Variants in MACROD2 observed in about 807,000 individuals in gnomAD.
MACROD2 encodes the protein ADP-ribose glycohydrolase MACROD2.
In MACROD2, 36 loss-of-function variants were observed where a neutral mutation model predicts 70.4. The observed-to-expected ratio is 0.51, with a 90% CI of 0.39 to 0.68. MACROD2 has a LOEUF of 0.68. MACROD2 is among the 30% of genes least tolerant of loss of function. The pLI is 0.00. For synonymous variants in MACROD2, 172 were observed against 178.8 expected (o/e 0.96, Z 0.30); for missense variants, 496 against 538.4 (o/e 0.92, Z 0.78).
At chr20:15,052,731 T>G (rs905514399) in intron 5 of MACROD2, among the ~76,000 whole-genome samples, 1 of 152,176 alleles carries the variant, frequency 6.6e-6, no homozygotes, top group Non-Finnish European at 1.5e-5. Context: ...AGTGTTCAAG[T>G]GAGAGAAAGA....
chr20:15,742,016 T>C (rs2051112978), intron 8 of MACROD2, among the ~76,000 whole-genome samples: 1 of 152,196 alleles, frequency 6.6e-6, no homozygotes, highest in Non-Finnish European at 1.5e-5. Flanking sequence ...TTGTGAATGA[T>C]TGTTATAGTA....
At chr20:15,664,277 A>T (rs2049865520) in intron 8 of MACROD2, among the ~76,000 whole-genome samples, 1 of 152,220 alleles carries the variant, frequency 6.6e-6, no homozygotes, top group Non-Finnish European at 1.5e-5. Flanking sequence ...GGAAGAATTG[A>T]ACCACCAAGG....
At chr20:15,675,499 G>A (rs1019195829) in intron 8 of MACROD2, among the ~76,000 whole-genome samples, 1 of 152,168 alleles carries the variant, frequency 6.6e-6, no homozygotes, top group Non-Finnish European at 1.5e-5. Flanking sequence ...GTTCTTCAAT[G>A]CATTTGCTTA....
intron 3 of MACROD2, among the ~76,000 whole-genome samples, chr20:14,152,517 AC>A (rs2055039656): frequency 6.7e-6 from 1 of 149,256 alleles, no homozygotes; most frequent in South Asian, 2.1e-4. Context: ...ACCTCCACTT[AC>A]CAGGTTCAAG....
chr20:15,826,801 C>T lies in MACROD2; in HGVS notation c.646-35944C>T, dbSNP rs140130523. 3.6e-3 allele frequency among the ~76,000 whole-genome samples: 545 copies of T among 152,276 alleles called. 2 individuals carry two copies. Among genetic ancestry groups the T allele is most frequent in the African/African-American group, 0.013 (524 of 41,560 alleles). On this transcript the variant is annotated intron_variant, in intron 8 of 17. Coordinates refer to ENST00000684519, the MANE Select transcript of MACROD2 (RefSeq NM_001351661.2). ...CGTGAAGCTTATCTTTGAAATGATA[C>T]GGCATTTACTTCTACCATATGTGTT...
intron 3 of MACROD2, among the ~76,000 whole-genome samples, chr20:14,439,711 T>C (rs2084099988): frequency 6.6e-6 from 1 of 152,218 alleles, no homozygotes; most frequent in South Asian, 2.1e-4. Context: ...TACTAACAGT[T>C]GTGAGGATTG....
chr20:15,675,555 A>C (rs6043427), intron 8 of MACROD2, among the ~76,000 whole-genome samples: 6,584 of 152,272 alleles, frequency 0.043, 191 homozygotes, highest in African/African-American at 0.085. Flanking sequence ...AGCGCTGGCA[A>C]CCCTTTTAAA....
At chr20:15,973,280 T>G (rs941599644) in intron 13 of MACROD2, among the ~76,000 whole-genome samples, 8 of 151,862 alleles carry the variant, frequency 5.3e-5, no homozygotes. Flanking sequence ...AGGAAGGGAA[T>G]GAAGAAAGGA....
At chr20:14,036,115 C>T (rs911385439) in intron 2 of MACROD2, among the ~76,000 whole-genome samples, 1 of 151,242 alleles carries the variant, frequency 6.6e-6, no homozygotes, top group African/African-American at 2.4e-5. Context: ...GCACTCCAGC[C>T]TGGGTGACAG....
At position 15,391,025 on chromosome 20, in the gene MACROD2, A is replaced by C. The variant is rs151100155; in HGVS notation, c.541-40380A>C. 9.1e-4 allele frequency among the ~76,000 whole-genome samples: 139 copies of C among 152,298 alleles called. 1 individual carries two copies. Among genetic ancestry groups the C allele is most frequent in the African/African-American group, 3.1e-3 (129 of 41,566 alleles). On this transcript the variant is annotated intron_variant, in intron 6 of 17. Coordinates refer to ENST00000684519, the MANE Select transcript of MACROD2 (RefSeq NM_001351661.2). ...AGGGGGTTCAACAGCACCTCACTTCATCAAAACAGAGAAACAACGAGAGAG... is the reference window on the plus strand; with the variant it reads ...AGGGGGTTCAACAGCACCTCACTTCCTCAAAACAGAGAAACAACGAGAGAG...
intron 3 of MACROD2, among the ~76,000 whole-genome samples, chr20:14,414,102 C>T (rs989047368): frequency 6.6e-6 from 1 of 152,144 alleles, no homozygotes; most frequent in East Asian, 1.9e-4. Context: ...TGACAACTCT[C>T]TAATTTATAT....
At chr20:14,274,890 A>G (rs978851489) in intron 3 of MACROD2, among the ~76,000 whole-genome samples, 4 of 151,124 alleles carry the variant, frequency 2.6e-5, no homozygotes, top group African/African-American at 9.7e-5. Flanking sequence ...GTGAACTCCC[A>G]TTCACAATTG....
At chr20:15,316,795 A>G (rs968454768) in intron 6 of MACROD2, among the ~76,000 whole-genome samples, 1 of 152,116 alleles carries the variant, frequency 6.6e-6, no homozygotes, top group Non-Finnish European at 1.5e-5. Context: ...ACGGTAGGCC[A>G]CAAAAACAAT....
chr20:15,755,046 A>C (rs772530271), intron 8 of MACROD2, among the ~76,000 whole-genome samples: 2 of 152,012 alleles, frequency 1.3e-5, no homozygotes, highest in Non-Finnish European at 2.9e-5. Flanking sequence ...TTTCATAGAG[A>C]TGAGGTTTCG....
At chr20:14,667,108 T>A (rs2070744264) in intron 4 of MACROD2, among the ~76,000 whole-genome samples, 1 of 152,096 alleles carries the variant, frequency 6.6e-6, no homozygotes, top group Non-Finnish European at 1.5e-5. Context: ...CTGCTCAAAG[T>A]AAAGCAGTGT....
At chr20:14,003,831 G>A (rs1260339286) in intron 2 of MACROD2, 2 of 319,090 alleles carry the variant, frequency 6.3e-6, no homozygotes, top group Non-Finnish European at 1.2e-5. Flanking sequence ...GGAGAGTGCT[G>A]TGTAATGAAA....
intron 5 of MACROD2, among the ~76,000 whole-genome samples, chr20:15,128,437 A>G (rs904618957): frequency 1.1e-4 from 16 of 152,066 alleles, no homozygotes; most frequent in Admixed American, 3.3e-4. Context: ...ATTATGTTTT[A>G]TTGTATGAGT....
intron 3 of MACROD2, among the ~76,000 whole-genome samples, chr20:14,159,053 A>G (rs1343290648): frequency 1.3e-5 from 2 of 152,176 alleles, no homozygotes; most frequent in Non-Finnish European, 2.9e-5. Flanking sequence ...CCTGACCAAC[A>G]TAGTGAAACT....
intron 5 of MACROD2, among the ~76,000 whole-genome samples, chr20:15,153,911 G>C (rs918334045): frequency 1.3e-5 from 2 of 152,134 alleles, no homozygotes; most frequent in Non-Finnish European, 2.9e-5. Flanking sequence ...TTTATACTTT[G>C]ACAGAATGTT....
Sources: allele counts gnomAD v4.1 joint callset (sites outside exome capture counted in the v4.1 genomes callset), GRCh38; gene constraint gnomAD v4.1.1; transcripts MANE v1.5; gene names NCBI Gene and HGNC (gene_info 2026-07-23, HGNC 2026-07-21).